ZNF507: variants seen among roughly 807,000 people sequenced by gnomAD.
ZNF507 encodes zinc finger protein 507.
Under a neutral mutation model 80.0 loss-of-function variants are expected in ZNF507, and 29 were observed. The observed-to-expected ratio is 0.36, with a 90% CI of 0.27 to 0.49. ZNF507 has a LOEUF of 0.49. Among genes scored for constraint, ZNF507 ranks in the 20% least tolerant of loss-of-function variants. The pLI is 0.98. For missense variants in ZNF507, 1,081 were observed against 1,152.2 expected, an observed-to-expected ratio of 0.94 and a Z score of 0.90; for synonymous variants, 462 against 422.5, an observed-to-expected ratio of 1.09 and a Z score of -1.15.
At chr19:32,380,579 T>C in intron 5 of ZNF507, 3 of 1,535,178 alleles carry the variant, frequency 2.0e-6, no homozygotes, top group Non-Finnish European at 2.6e-6. Flanking sequence ...TGTGCCTCGT[T>C]ATTGCTGACT....
Position 32,382,739 on chromosome 19 carries a change from AAG to A in ZNF507, c.2520_2521del (p.Lys840AsnfsTer7), listed in dbSNP as rs1568311053. On this transcript the variant is annotated frameshift_variant, in exon 7 of 7. Coordinates refer to ENST00000355898, the MANE Select transcript of ZNF507 (RefSeq NM_001136156.2). LOFTEE classifies it low-confidence loss of function (END_TRUNC). The part of the protein sequence containing the change: ...SGRVLGKSPG[K>X]TQLKSSEESA... Reference sequence around the variant, plus strand: ...AAGAGTTCTGGGGAAATCCCCTGGAAAGACTCAATTAAAGAGCAGTGAAGAGA... The same window carrying A: ...AAGAGTTCTGGGGAAATCCCCTGGAAACTCAATTAAAGAGCAGTGAAGAGA... The A allele has an allele frequency of 1.9e-6, 3 of 1,613,010 alleles. No homozygotes were observed. The highest frequency in any genetic ancestry group is 2.5e-6 in the Non-Finnish European group (3 of 1,179,376).
rs1043042623 is a variant in ZNF507, at chr19:32,383,358, C to T, written c.*275C>T. Reference sequence around the variant, plus strand: ...ACCCTCTGTCACCCCTTCTTAGTGTCGAGTGTATTTATTAATAAAAGCTTA... The same window carrying T: ...ACCCTCTGTCACCCCTTCTTAGTGTTGAGTGTATTTATTAATAAAAGCTTA... On this transcript the variant is annotated 3_prime_UTR_variant, in exon 7 of 7. Transcript: ENST00000355898. The T allele has an allele frequency of 4.3e-5, 15 of 352,876 alleles. No individual in the cohort carries two copies. The highest frequency in any genetic ancestry group is 8.4e-5 in the African/African-American group (4 of 47,826). The allele number at this position is 352,876 out of a possible 1,614,324, so 21.9% of individuals were successfully genotyped here.
intron 5 of ZNF507, among the ~76,000 whole-genome samples, chr19:32,374,188 ACTCT>A: frequency 6.9e-6 from 1 of 145,840 alleles, no homozygotes; most frequent in Admixed American, 6.8e-5. Flanking sequence ...ACACACACAC[ACTCT>A]CTCTCTCTTT....
chr19:32,370,243 G>A (rs1488144607), intron 5 of ZNF507, among the ~76,000 whole-genome samples: 2 of 152,212 alleles, frequency 1.3e-5, no homozygotes, highest in African/African-American at 2.4e-5. Context: ...GTGAGGTGGC[G>A]ATCTCATCTC....
chr19:32,354,677 A>C lies in ZNF507; in HGVS notation c.1847A>C (p.Gln616Pro), dbSNP rs1008554128. Residue 616 changes from glutamine to proline, a missense_variant, in exon 3 of 7, where the codon CAG (glutamine) becomes CCG (proline). This residue lies in a region of ZNF507 where 614 missense variants were observed against 583.9 expected (regional missense o/e 1.05). Transcript: ENST00000355898. ...DILKELQDNA[Q>P]CQPNSDTSLS... ...TTGAAAGAGTTGCAGGACAACGCCC[A>C]GTGCCAACCCAACAGCGATACAAGT... 1 of 1,614,086 alleles carries C rather than the reference A, an allele frequency of 6.2e-7. No homozygotes were observed.
chr19:32,384,867 A>G lies in ZNF507; in HGVS notation c.*1784A>G, dbSNP rs891943682. 3.3e-5 allele frequency: 5 copies of G among 152,154 alleles called. No individual in the cohort carries two copies. The highest frequency in any genetic ancestry group is 9.7e-5 in the African/African-American group (4 of 41,440). The allele number at this position is 152,154 out of a possible 1,614,324, so 9.4% of individuals were successfully genotyped here. On this transcript the variant is annotated 3_prime_UTR_variant, in exon 7 of 7. Coordinates refer to ENST00000355898, the MANE Select transcript of ZNF507 (RefSeq NM_001136156.2). ...AAAAATATGAAATGGATTTATATAT[A>G]CTATATTCCTCAAATCCACTGTATG... is the stretch of plus-strand genomic sequence containing the variant.
chr19:32,383,295 G>A lies in ZNF507; in HGVS notation c.*212G>A. The A allele has an allele frequency of 3.4e-6, 2 of 586,460 alleles. No homozygotes were observed. The highest frequency in any genetic ancestry group is 6.5e-5 in the East Asian group (2 of 30,960). 36.3% of individuals were successfully genotyped at this position (586,460 alleles called of 1,614,324 possible). On this transcript the variant is annotated 3_prime_UTR_variant, in exon 7 of 7. Transcript: ENST00000355898. ...ATTTAAATATTTTGAGTGAGGGGGAGTGGGTCAAAGAGGAAGTAGAGGTGT... is the reference window on the plus strand; with the variant it reads ...ATTTAAATATTTTGAGTGAGGGGGAATGGGTCAAAGAGGAAGTAGAGGTGT...
At chr19:32,373,231 AT>A (rs1465539772) in intron 5 of ZNF507, among the ~76,000 whole-genome samples, 1 of 151,544 alleles carries the variant, frequency 6.6e-6, no homozygotes, top group Non-Finnish European at 1.5e-5. Context: ...GGGCACATAC[AT>A]TCAGATCATA....
chr19:32,352,846 A>C lies in ZNF507; in HGVS notation c.16A>C (p.Ser6Arg). 1 of 1,580,334 alleles carries C rather than the reference A, an allele frequency of 6.3e-7. No individual in the cohort carries two copies. The highest frequency in any genetic ancestry group is 8.6e-7 in the Non-Finnish European group (1 of 1,167,564). Residue 6 changes from serine to arginine, a missense_variant, in exon 3 of 7, where the codon AGT becomes CGT. Physicochemically the swap from Ser to Arg is moderately radical, Grantham distance 110. Transcript: ENST00000355898. Reference sequence around the variant, plus strand: ...CTTTTTAGATATGGAAGAAAGTAGCAGTGTTGCCATGTTGGTGCCAGATAT... The same window carrying C: ...CTTTTTAGATATGGAAGAAAGTAGCCGTGTTGCCATGTTGGTGCCAGATAT... MEESS[S>R]VAMLVPDIGE...
At chr19:32,345,841 C>T (rs991371524) in intron 1 of ZNF507, 58 bp downstream of exon 1, 2 of 153,242 alleles carry the variant, frequency 1.3e-5, no homozygotes, top group South Asian at 3.9e-4. Flanking sequence ...CGGCCATGTG[C>T]ATCCTCCCCT....
At chr19:32,376,138 T>G (rs1352379888) in intron 5 of ZNF507, among the ~76,000 whole-genome samples, 1 of 152,218 alleles carries the variant, frequency 6.6e-6, no homozygotes, top group Non-Finnish European at 1.5e-5. Context: ...AAAGTTTAAA[T>G]TATAACAGTA....
In ZNF507 at chr19:32,353,407, T is replaced by C. The variant is rs1296147968; in HGVS notation, c.577T>C (p.Cys193Arg). Residue 193 changes from cysteine to arginine, a missense_variant, in exon 3 of 7, where the codon TGC becomes CGC. Cys to Arg is a radical substitution (Grantham distance 180, BLOSUM62 -3). Around this residue, in one of 6 missense-constraint regions of ZNF507, gnomAD observed 275 missense variants for 303.9 expected, o/e 0.90. Transcript: ENST00000355898. ...NIHTQSKAQQCVSPSSSLCRK... is the reference protein window; with the variant it reads ...NIHTQSKAQQRVSPSSSLCRK... Reference sequence around the variant, plus strand: ...CCACACCCAATCCAAAGCCCAACAGTGCGTAAGCCCCTCCAGCTCTTTGTG... The same window carrying C: ...CCACACCCAATCCAAAGCCCAACAGCGCGTAAGCCCCTCCAGCTCTTTGTG... 19 of 1,614,126 alleles carry C rather than the reference T, an allele frequency of 1.2e-5. No individual in the cohort carries two copies. The highest frequency in any genetic ancestry group is 4.5e-5 in the East Asian group (2 of 44,876).
At chr19:32,358,251 G>T (rs1378160260) in intron 4 of ZNF507, 2 of 152,262 alleles carry the variant, frequency 1.3e-5, no homozygotes, top group East Asian at 3.9e-4. Context: ...TTGAAATCTG[G>T]TTGTCAGGCC....
chr19:32,365,091 C>T (rs983055724), intron 5 of ZNF507, among the ~76,000 whole-genome samples: 1 of 152,136 alleles, frequency 6.6e-6, no homozygotes, highest in Non-Finnish European at 1.5e-5. Context: ...TTGCATTTCC[C>T]TGATCGTTAA....
chr19:32,364,962 C>T (rs11672772), intron 5 of ZNF507, among the ~76,000 whole-genome samples: 59,237 of 151,992 alleles, frequency 0.39, 13,381 homozygotes, highest in Non-Finnish European at 0.53. Context: ...TCGCCACATC[C>T]ACACCAACAT....
chr19:32,360,723 GAAGT>G lies in ZNF507; in HGVS notation c.2360+109_2360+112del, dbSNP rs955726680. ...TAGCACTTACTGAAACACAGGTTAA[GAAGT>G]AAGAAATTTTCACTAATTGGTTTTA... On this transcript the variant is annotated intron_variant, in intron 5 of 6. Coordinates refer to ENST00000355898, the MANE Select transcript of ZNF507 (RefSeq NM_001136156.2). 8 of 542,984 alleles carry G rather than the reference GAAGT, an allele frequency of 1.5e-5. No homozygotes were observed. The Admixed American group carries it at 3.3e-4, about 23-fold the overall frequency. 33.6% of individuals were successfully genotyped at this position (542,984 alleles called of 1,614,324 possible). A position where few individuals can be genotyped will look rare whatever the true frequency, so the allele number is the denominator to read the frequency against.
At chr19:32,369,406 C>G (rs1967440061) in intron 5 of ZNF507, among the ~76,000 whole-genome samples, 1 of 152,148 alleles carries the variant, frequency 6.6e-6, no homozygotes, top group Non-Finnish European at 1.5e-5. Context: ...CCAGCAATTC[C>G]ACCAAGGAAG....
chr19:32,376,865 C>T (rs1967553944), intron 5 of ZNF507, among the ~76,000 whole-genome samples: 3 of 152,096 alleles, frequency 2.0e-5, no homozygotes, highest in South Asian at 4.1e-4. Context: ...GTCACGTGTC[C>T]ACTGGACAGG....
At position 32,386,994 on chromosome 19, in the gene ZNF507, T is replaced by C. The variant is rs1967698373; in HGVS notation, c.*3911T>C. The C allele has an allele frequency of 6.6e-6, 1 of 152,232 alleles. No homozygotes were observed. Among genetic ancestry groups the C allele is most frequent in the Non-Finnish European group, 1.5e-5 (1 of 68,040 alleles). The allele number at this position is 152,232 out of a possible 1,614,324, so 9.4% of individuals were successfully genotyped here. A position where few individuals can be genotyped will look rare whatever the true frequency, so the allele number is the denominator to read the frequency against. The stretch of plus-strand genomic sequence containing the variant: ...ATGATGACTCTTGATAACTTGTTAA[T>C]CTGTTGCTGACTAGCATTAGACTGT... On this transcript the variant is annotated 3_prime_UTR_variant, in exon 7 of 7. Coordinates refer to ENST00000355898, the MANE Select transcript of ZNF507 (RefSeq NM_001136156.2).
Sources: allele counts gnomAD v4.1 joint callset (sites outside exome capture counted in the v4.1 genomes callset), GRCh38; gene constraint gnomAD v4.1.1; regional missense constraint gnomAD v4.1.1; transcripts MANE v1.5; gene names NCBI Gene and HGNC (gene_info 2026-07-23, HGNC 2026-07-21).